The following ST3GAL2 variants were observed in gnomAD, a reference collection of about 807,000 sequenced individuals.
The protein encoded by ST3GAL2 is ST3 beta-galactoside alpha-2,3-sialyltransferase 2.
A neutral mutation model predicts 37.5 loss-of-function variants in ST3GAL2; 16 were observed. The observed-to-expected ratio is 0.43, with a 90% CI of 0.29 to 0.65. ST3GAL2 has a LOEUF of 0.65. ST3GAL2 is among the 30% of genes least tolerant of loss of function. The pLI is 0.17. For missense variants in ST3GAL2, 383 were observed against 487.8 expected (o/e 0.79, Z 2.02); for synonymous variants, 238 against 202.9 (o/e 1.17, Z -1.47).
chr16:70,394,928 T>C (rs2047505000), intron 3 of ST3GAL2, 54 bp downstream of exon 3: 1 of 1,579,672 alleles, frequency 6.3e-7, no homozygotes. Context: ...AGGAGGGCAG[T>C]CCCCTTCCCG....
Position 70,380,453 on chromosome 16 carries a change from G to A in ST3GAL2, c.*1236C>T, listed in dbSNP as rs892357853. On this transcript the variant is annotated 3_prime_UTR_variant, in exon 7 of 7. Coordinates refer to ENST00000342907, the MANE Select transcript of ST3GAL2 (RefSeq NM_006927.4). ...CCTAAACCTCCCCAGCTTCGAAGGG[G>A]GAGAATTCCACCAGCAGCCCCGTCA... The A allele has an allele frequency of 1.3e-5, 2 of 152,316 alleles. No individual in the cohort carries two copies. The highest frequency in any genetic ancestry group is 6.6e-5 in the Admixed American group (1 of 15,266). The allele number at this position is 152,316 out of a possible 1,614,324, so 9.4% of individuals were successfully genotyped here.
At chr16:70,435,794 CAAAATAAAATAAAATAAAAT>C (rs375297989) in intron 1 of ST3GAL2, among the ~76,000 whole-genome samples, 1 of 141,224 alleles carries the variant, frequency 7.1e-6, no homozygotes, top group Non-Finnish European at 1.5e-5. Context: ...AACCTCGTCT[CAAAATAAAATAAAATAAAAT>C]AAAATAAAAT....
chr16:70,415,298 G>A (rs1042188077), intron 1 of ST3GAL2, among the ~76,000 whole-genome samples: 11 of 152,238 alleles, frequency 7.2e-5, no homozygotes, highest in African/African-American at 1.7e-4. Flanking sequence ...GACCCTTACC[G>A]TGAATACTCT....
At chr16:70,388,250 A>T in intron 4 of ST3GAL2, 117 bp downstream of exon 4, 1 of 1,375,690 alleles carries the variant, frequency 7.3e-7, no homozygotes, top group Non-Finnish European at 1.0e-6. Flanking sequence ...CTCCCTTCTC[A>T]CCAGCCCCTC....
intron 1 of ST3GAL2, among the ~76,000 whole-genome samples, chr16:70,411,185 G>A (rs563526956): frequency 1.3e-4 from 20 of 152,048 alleles, no homozygotes; most frequent in African/African-American, 4.8e-4. Flanking sequence ...AGGAGTTCGA[G>A]ACCAGCCTGG....
intron 2 of ST3GAL2, 108 bp from the exon 3 acceptor site, chr16:70,395,283 G>A (rs2047508078): frequency 5.7e-6 from 6 of 1,055,820 alleles, no homozygotes; most frequent in African/African-American, 1.6e-5. Flanking sequence ...TCTGGGCACA[G>A]GCCTCTTTAT....
At chr16:70,424,367 C>G (rs955042131) in intron 1 of ST3GAL2, among the ~76,000 whole-genome samples, 1 of 148,704 alleles carries the variant, frequency 6.7e-6, no homozygotes, top group Non-Finnish European at 1.5e-5. Flanking sequence ...TTTGGGAGGC[C>G]GAGGCAGGCG....
chr16:70,433,692 G>A (rs1266388708), intron 1 of ST3GAL2, among the ~76,000 whole-genome samples: 2 of 152,172 alleles, frequency 1.3e-5, no homozygotes, highest in African/African-American at 4.8e-5. Flanking sequence ...TTTGGTTCCT[G>A]CTGCACCCAC....
chr16:70,412,873 CG>C (rs781424495), intron 1 of ST3GAL2, among the ~76,000 whole-genome samples: 14 of 151,790 alleles, frequency 9.2e-5, no homozygotes, highest in Non-Finnish European at 2.1e-4. Context: ...ATGGCAAAAC[CG>C]CGTCTCTATA....
intron 1 of ST3GAL2, among the ~76,000 whole-genome samples, chr16:70,425,363 G>T (rs1296757333): frequency 1.3e-5 from 2 of 152,188 alleles, no homozygotes; most frequent in Non-Finnish European, 2.9e-5. Context: ...TCAGGAGGCT[G>T]AGGCAGGAGA....
intron 1 of ST3GAL2, among the ~76,000 whole-genome samples, chr16:70,421,772 G>A (rs990337849): frequency 1.3e-5 from 2 of 152,132 alleles, no homozygotes; most frequent in African/African-American, 4.8e-5. Context: ...TTGGCCTCCT[G>A]CCTCAGCCTC....
intron 6 of ST3GAL2, 96 bp downstream of exon 6, chr16:70,382,709 C>A: frequency 6.4e-7 from 1 of 1,567,748 alleles, no homozygotes; most frequent in East Asian, 2.3e-5. Flanking sequence ...ATTCTGCCTA[C>A]AGAAGCACAT....
intron 3 of ST3GAL2, among the ~76,000 whole-genome samples, chr16:70,394,510 T>G (rs2047502258): frequency 6.6e-6 from 1 of 152,144 alleles, no homozygotes; most frequent in Non-Finnish European, 1.5e-5. Flanking sequence ...CCCCAGTAGC[T>G]GGAAATACAG....
chr16:70,408,620 A>G (rs903827966), intron 1 of ST3GAL2, among the ~76,000 whole-genome samples: 11 of 151,992 alleles, frequency 7.2e-5, no homozygotes, highest in Non-Finnish European at 1.2e-4. Flanking sequence ...TCCACTCCGC[A>G]GCACCAAACC....
chr16:70,403,372 G>A (rs940283854), intron 1 of ST3GAL2, among the ~76,000 whole-genome samples: 8 of 152,182 alleles, frequency 5.3e-5, no homozygotes, highest in African/African-American at 1.9e-4. Flanking sequence ...AAAAACAAAA[G>A]TTCTGGTTAA....
At chr16:70,404,660 A>G (rs1480801517) in intron 1 of ST3GAL2, among the ~76,000 whole-genome samples, 1 of 152,182 alleles carries the variant, frequency 6.6e-6, no homozygotes, top group African/African-American at 2.4e-5. Flanking sequence ...GATTAAATAT[A>G]CAGTCACCAT....
At chr16:70,391,299 T>C (rs1236043005) in intron 3 of ST3GAL2, among the ~76,000 whole-genome samples, 1 of 152,210 alleles carries the variant, frequency 6.6e-6, no homozygotes, top group Non-Finnish European at 1.5e-5. Flanking sequence ...ACTTCCGTTC[T>C]AGCTGGCTTC....
Position 70,409,805 on chromosome 16 carries a change from ATTTTTTTT to A in ST3GAL2, c.-1003-10280_-1003-10273del, listed in dbSNP as rs980660367. ...GGCATACGCCACCAGACCTGGCTAA[ATTTTTTTT>A]TTTTTTTTTTTTTTCATAAAGACAG... On this transcript the variant is annotated intron_variant, in intron 1 of 6. Transcript: ENST00000342907. 9.3e-5 allele frequency among the ~76,000 whole-genome samples: 12 copies of A among 129,054 alleles called. No individual in the cohort carries two copies. The South Asian group carries it at 9.6e-4, about 10-fold the overall frequency. The allele number at this position is 129,054 out of a possible 152,430, so 84.7% of individuals were successfully genotyped here. A position where few individuals can be genotyped will look rare whatever the true frequency, so the allele number is the denominator to read the frequency against.
At position 70,398,636 on chromosome 16, in the gene ST3GAL2, TA is replaced by T; in HGVS notation, c.-107del. The T allele has an allele frequency of 3.7e-6, 4 of 1,084,156 alleles. No homozygotes were observed. Among genetic ancestry groups the T allele is most frequent in the East Asian group, 2.6e-5 (1 of 38,460 alleles). 67.2% of individuals were successfully genotyped at this position (1,084,156 alleles called of 1,614,324 possible). On this transcript the variant is annotated 5_prime_UTR_variant, in exon 2 of 7. An upstream open reading frame in the 5' UTR loses its in-frame stop. Coordinates refer to ENST00000342907, the MANE Select transcript of ST3GAL2 (RefSeq NM_006927.4). ...ATTCTGGCACCACATGCAAAGGGCATAGGGGCACGTGCTGCAGCAGGGGACA... is the reference window on the plus strand; with the variant it reads ...ATTCTGGCACCACATGCAAAGGGCATGGGGCACGTGCTGCAGCAGGGGACA...
Sources: allele counts gnomAD v4.1 joint callset (sites outside exome capture counted in the v4.1 genomes callset), GRCh38; gene constraint gnomAD v4.1.1; transcripts MANE v1.5; gene names NCBI Gene and HGNC (gene_info 2026-07-23, HGNC 2026-07-21).